PTK2B: variants seen among roughly 807,000 people sequenced by gnomAD.
The protein encoded by PTK2B is protein-tyrosine kinase 2-beta.
In PTK2B, 71 loss-of-function variants were observed where a neutral mutation model predicts 142.9. That is an observed-to-expected ratio of 0.50 (90% confidence interval 0.41 to 0.61). The LOEUF is 0.61. Among genes scored for constraint, PTK2B ranks in the 20% least tolerant of loss-of-function variants. PTK2B has a pLI of 0.00. For missense variants in PTK2B, 1,105 were observed against 1,320.4 expected (o/e 0.84, Z 2.53); for synonymous variants, 519 against 503.4 (o/e 1.03, Z -0.42).
In PTK2B at chr8:27,454,286, G is replaced by A. The variant is rs779533287; in HGVS notation, c.2728G>A (p.Val910Met). ...GCCCCCCGAGGGCTACGTGGTGGTG[G>A]TGAAGGTGAGAGCAGGGCTGGGTTG... Reference protein sequence around the residue: ...QLPPEGYVVVVKNVGLTLRKL... With the variant: ...QLPPEGYVVVMKNVGLTLRKL... The change falls in exon 29 of 31, where the codon GTG becomes ATG. Residue 910 changes from valine (V) to methionine (M), a missense_variant. By Grantham distance (21) the Val-to-Met change is conservative. Coordinates refer to ENST00000346049, the MANE Select transcript of PTK2B (RefSeq NM_173176.3). 2.5e-6 allele frequency: 4 copies of A among 1,613,254 alleles called. No individual in the cohort carries two copies. The highest frequency in any genetic ancestry group is 2.5e-6 in the Non-Finnish European group (3 of 1,179,868).
chr8:27,432,412 G>C lies in PTK2B; in HGVS notation c.987+51G>C, dbSNP rs770605978. 5.8e-6 allele frequency: 9 copies of C among 1,553,726 alleles called. No individual in the cohort carries two copies. In the Admixed American group the frequency reaches 6.9e-5, roughly 12 times the overall value. On this transcript the variant is annotated intron_variant, in intron 10 of 30. Transcript: ENST00000346049. ...CTGGCAGCTCTGCAGGGGGTATAAT[G>C]GCAGATTGGGAGCTCTTGCTCAGAC... is the stretch of plus-strand genomic sequence containing the variant.
chr8:27,454,718 T>C, intron 30 of PTK2B, 107 bp downstream of exon 30: 1 of 1,184,766 alleles, frequency 8.4e-7, no homozygotes, highest in Non-Finnish European at 1.2e-6. Flanking sequence ...GTCTGTCCAC[T>C]GAGTCCCCAC....
intron 1 of PTK2B, among the ~76,000 whole-genome samples, chr8:27,394,852 A>T (rs1360253392): frequency 6.6e-6 from 1 of 152,086 alleles, no homozygotes. Context: ...TTACTTTTTA[A>T]ACGTTTTTAT....
At chr8:27,411,582 G>A (rs745585927) in intron 2 of PTK2B, among the ~76,000 whole-genome samples, 3 of 152,210 alleles carry the variant, frequency 2.0e-5, no homozygotes, top group African/African-American at 4.8e-5. Context: ...GGGGACTGTG[G>A]CTCAGGGAGC....
intron 1 of PTK2B, among the ~76,000 whole-genome samples, chr8:27,369,654 A>G (rs897506260): frequency 3.3e-5 from 5 of 151,862 alleles, no homozygotes; most frequent in Admixed American, 2.6e-4. Context: ...TGGGTGACAG[A>G]GTGAGACTCC....
chr8:27,431,861 T>A (rs1810447936), intron 9 of PTK2B, among the ~76,000 whole-genome samples: 1 of 152,216 alleles, frequency 6.6e-6, no homozygotes, highest in African/African-American at 2.4e-5. Context: ...CCTGGCTTTC[T>A]CTAGACCTCA....
rs767112239 is a variant in PTK2B, at chr8:27,454,560, C to T, written c.2763C>T (p.Ile921=). ...KNVGLTLRKL[I]GSVDDLLPSL... ...TGGGGCTGACCCTGCGGAAGCTCAT[C>T]GGGAGCGTGGATGATCTCCTGCCTT... is the stretch of plus-strand genomic sequence containing the variant. Residue 921 remains isoleucine, a synonymous_variant, in exon 30 of 31, where the codon ATC becomes ATT. Coordinates refer to ENST00000346049, the MANE Select transcript of PTK2B (RefSeq NM_173176.3). The T allele has an allele frequency of 5.6e-6, 9 of 1,614,214 alleles. No homozygotes were observed. Among genetic ancestry groups the T allele is most frequent in the South Asian group, 1.1e-5 (1 of 91,078 alleles).
At chr8:27,456,375 A>G (rs573412750) in intron 30 of PTK2B, among the ~76,000 whole-genome samples, 17 of 152,210 alleles carry the variant, frequency 1.1e-4, no homozygotes, top group African/African-American at 3.4e-4. Flanking sequence ...TATAACGGCT[A>G]TGGTTGGTGA....
intron 2 of PTK2B, among the ~76,000 whole-genome samples, chr8:27,403,846 CTTCT>C (rs773018367): frequency 2.0e-5 from 3 of 151,762 alleles, no homozygotes; most frequent in Non-Finnish European, 4.4e-5. Context: ...TTTCTTCTCT[CTTCT>C]TTCTTTTTTC....
At position 27,433,498 on chromosome 8, in the gene PTK2B, T is replaced by C. The variant is rs753770676; in HGVS notation, c.1051T>C (p.Tyr351His). The C allele has an allele frequency of 6.2e-7, 1 of 1,614,214 alleles. No homozygotes were observed. The highest frequency in any genetic ancestry group is 2.2e-5 in the East Asian group (1 of 44,892). The change falls in exon 11 of 31, where the codon TAC (tyrosine) becomes CAC (histidine). Residue 351 changes from tyrosine (Y) to histidine (H), a missense_variant. Transcript: ENST00000346049. Reference protein sequence around the residue: ...AENMADLIDGYCRLQGEHQGS... With the variant: ...AENMADLIDGHCRLQGEHQGS... Reference sequence around the variant, plus strand: ...GAACATGGCTGACCTCATAGACGGCTACTGCCGGCTGCAGGGTGAGCACCA... The same window carrying C: ...GAACATGGCTGACCTCATAGACGGCCACTGCCGGCTGCAGGGTGAGCACCA...
chr8:27,406,854 C>T (rs1479275511), intron 2 of PTK2B, among the ~76,000 whole-genome samples: 1 of 152,184 alleles, frequency 6.6e-6, no homozygotes, highest in South Asian at 2.1e-4. Flanking sequence ...CATGTTGAAG[C>T]GACACCTGCC....
At chr8:27,426,075 A>G (rs1165325021) in intron 5 of PTK2B, among the ~76,000 whole-genome samples, 1 of 151,382 alleles carries the variant, frequency 6.6e-6, no homozygotes, top group African/African-American at 2.4e-5. Flanking sequence ...CTAAAACAAC[A>G]GCAACAACAA....
intron 9 of PTK2B, 143 bp from the exon 10 acceptor site, chr8:27,432,117 T>TA: frequency 1.5e-6 from 1 of 682,188 alleles, no homozygotes; most frequent in South Asian, 1.9e-5. Context: ...AGGATCCTTC[T>TA]AGCCTTAATA....
chr8:27,311,415 C>A, upstream of PTK2B: 1 of 750,744 alleles, frequency 1.3e-6, no homozygotes, highest in Non-Finnish European at 2.0e-6. Context: ...AGGGGGCGCT[C>A]GGAGGAGCCC....
intron 2 of PTK2B, among the ~76,000 whole-genome samples, chr8:27,403,002 T>C (rs1208883580): frequency 6.6e-6 from 1 of 152,226 alleles, no homozygotes; most frequent in Non-Finnish European, 1.5e-5. Flanking sequence ...AGTGCCTGTG[T>C]GGGGATGCAG....
chr8:27,453,141 C>T lies in PTK2B; in HGVS notation c.2576C>T (p.Pro859Leu). The change falls in exon 28 of 31, where the codon CCC (proline) becomes CTC (leucine). Residue 859 changes from proline to leucine, a missense_variant. Transcript: ENST00000346049. ...GAGTTCACAGGGCCCCCACAGAAGC[C>T]CCCGAGGCTGGGCGCACAGGTATGT... ...YLEFTGPPQK[P>L]PRLGAQSIQP... is the part of the protein sequence containing the mutation. 4 of 1,614,110 alleles carry T rather than the reference C, an allele frequency of 2.5e-6. No homozygotes were observed. The highest frequency in any genetic ancestry group is 3.4e-6 in the Non-Finnish European group (4 of 1,180,022).
At chr8:27,330,336 T>C (rs1000367958) in intron 1 of PTK2B, among the ~76,000 whole-genome samples, 1 of 152,150 alleles carries the variant, frequency 6.6e-6, no homozygotes, top group Non-Finnish European at 1.5e-5. Flanking sequence ...AGGTTATAGG[T>C]CCTCTTCTGC....
At chr8:27,329,864 A>G (rs143623406) in intron 1 of PTK2B, among the ~76,000 whole-genome samples, 62 of 152,202 alleles carry the variant, frequency 4.1e-4, no homozygotes, top group African/African-American at 1.4e-3. Flanking sequence ...CTAGCTTCCT[A>G]TTTGCAAGAT....
intron 1 of PTK2B, among the ~76,000 whole-genome samples, chr8:27,352,252 G>A (rs947867472): frequency 5.9e-5 from 9 of 152,208 alleles, no homozygotes; most frequent in Non-Finnish European, 8.8e-5. Flanking sequence ...TGCTGTGCAC[G>A]TATCTTGATA....
Sources: allele counts gnomAD v4.1 joint callset (sites outside exome capture counted in the v4.1 genomes callset), GRCh38; gene constraint gnomAD v4.1.1; transcripts MANE v1.5; gene names NCBI Gene and HGNC (gene_info 2026-07-23, HGNC 2026-07-21).